The following SLC51A variants were observed in gnomAD, a reference collection of about 807,000 sequenced individuals.
SLC51A encodes the protein organic solute transporter subunit alpha.
In SLC51A, 22 loss-of-function variants were observed where a neutral mutation model predicts 34.8. The observed-to-expected ratio is 0.63, with a 90% confidence interval of 0.45 to 0.90. The LOEUF (loss-of-function observed/expected upper bound fraction) is 0.90, where lower values mean the gene tolerates loss of function less well. SLC51A is among the 40% of genes least tolerant of loss of function. The pLI, the probability that SLC51A is intolerant of heterozygous loss-of-function variation, is 0.00. For missense variants in SLC51A, 371 were observed against 414.8 expected, an observed-to-expected ratio of 0.89 and a Z score of 0.92; for synonymous variants, 181 against 176.3, an observed-to-expected ratio of 1.03 and a Z score of -0.21.
chr3:196,223,305 G>A (rs569125206), intron 2 of SLC51A, among the ~76,000 whole-genome samples: 4 of 151,990 alleles, frequency 2.6e-5, no homozygotes, highest in Admixed American at 1.3e-4. Context: ...TTACTCCTCC[G>A]GGCGTTTGAG....
intron 2 of SLC51A, among the ~76,000 whole-genome samples, chr3:196,218,424 T>C (rs1723653483): frequency 6.6e-6 from 1 of 152,246 alleles, no homozygotes; most frequent in Non-Finnish European, 1.5e-5. Context: ...ACCTTTGTCC[T>C]CACTGGAGCA....
chr3:196,223,799 G>T (rs1422858828), intron 2 of SLC51A: 1 of 385,730 alleles, frequency 2.6e-6, no homozygotes, highest in African/African-American at 2.3e-5. Flanking sequence ...ATCATCTACA[G>T]TCCCACCCAG....
chr3:196,224,742 A>AGAGGGGAGGGAATGGGAGAGGGGAGGG (rs1723855133), intron 2 of SLC51A, among the ~76,000 whole-genome samples: 1 of 21,110 alleles, frequency 4.7e-5, no homozygotes, highest in Non-Finnish European at 9.0e-5. Flanking sequence ...AGGAGAGGGG[A>AGAGGGGAGGGAATGGGAGAGGGGAGGG]GAGGGGAGGG....
intron 2 of SLC51A, chr3:196,224,019 T>C: frequency 3.4e-6 from 1 of 292,520 alleles, no homozygotes; most frequent in Non-Finnish European, 6.7e-6. Flanking sequence ...CCACCATGCC[T>C]GGCTAATTTT....
intron 6 of SLC51A, among the ~76,000 whole-genome samples, 171 bp downstream of exon 6, chr3:196,229,091 C>T (rs904983294): frequency 6.6e-5 from 10 of 152,130 alleles, no homozygotes; most frequent in African/African-American, 1.7e-4. Flanking sequence ...GCCAGGCCCC[C>T]GGGCTTTTTC....
In SLC51A at chr3:196,218,888, G is replaced by T. The variant is rs147244154; in HGVS notation, c.133+952G>T. The stretch of plus-strand genomic sequence containing the variant: ...CATAGGTGAACCTGCAAAAGTCCTC[G>T]CAGTGTTGGCCAACAAGATTCTATT... On this transcript the variant is annotated intron_variant, in intron 2 of 8. Transcript: ENST00000296327. 4.7e-3 allele frequency among the ~76,000 whole-genome samples: 718 copies of T among 151,692 alleles called. 5 individuals are homozygous for T. The highest frequency in any genetic ancestry group is 0.016 in the African/African-American group (666 of 41,376).
In SLC51A at chr3:196,233,316, A is replaced by G; in HGVS notation, c.*117A>G. ...CCCCCTTGTCAACACAAGCTGGCAG[A>G]TACATTTGACTCTACAGATGAAGGT... On this transcript the variant is annotated 3_prime_UTR_variant, in exon 9 of 9. Coordinates refer to ENST00000296327, the MANE Select transcript of SLC51A (RefSeq NM_152672.6). 5.1e-6 allele frequency: 6 copies of G among 1,178,480 alleles called. No homozygotes were observed. The highest frequency in any genetic ancestry group is 2.4e-5 in the East Asian group (1 of 42,144). The allele number at this position is 1,178,480 out of a possible 1,614,324, so 73.0% of individuals were successfully genotyped here. A position where few individuals can be genotyped will look rare whatever the true frequency, so the allele number is the denominator to read the frequency against.
chr3:196,228,353 TTAGGCGTGAA>T lies in SLC51A; in HGVS notation c.521+86_521+95del, dbSNP rs1211729865. 2.0e-6 allele frequency: 3 copies of T among 1,503,494 alleles called. No individual in the cohort carries two copies. Among genetic ancestry groups the T allele is most frequent in the African/African-American group, 1.4e-5 (1 of 71,990 alleles). The allele number at this position is 1,503,494 out of a possible 1,614,324, so 93.1% of individuals were successfully genotyped here. The stretch of plus-strand genomic sequence containing the variant: ...CTGGTCCCCTTCAAGGCTCTGGGAA[TTAGGCGTGAA>T]TAGGCCAAAGCCAGTGACGGAAGGG... On this transcript the variant is annotated intron_variant, in intron 5 of 8. Coordinates refer to ENST00000296327, the MANE Select transcript of SLC51A (RefSeq NM_152672.6). The surrounding 1 kb of genome is among the most constrained non-coding windows in gnomAD (Gnocchi z 4.9).
rs776963562 is a variant in SLC51A, at chr3:196,227,044, T to G, written c.213T>G (p.Asp71Glu). Residue 71 changes from aspartate (D) to glutamate (E), a missense_variant, in exon 3 of 9, where the codon GAT becomes GAG. By Grantham distance (45) the Asp-to-Glu change is conservative. Coordinates refer to ENST00000296327, the MANE Select transcript of SLC51A (RefSeq NM_152672.6). ...GCTCCATTGCCATCTTCCTGGAGGA[T>G]GCCGTCTACCTGTACAAGAACACCC... ...ALGSIAIFLE[D>E]AVYLYKNTLC... 11 of 1,614,144 alleles carry G rather than the reference T, an allele frequency of 6.8e-6. No individual in the cohort carries two copies. The highest frequency in any genetic ancestry group is 8.5e-6 in the Non-Finnish European group (10 of 1,180,030).
chr3:196,232,362 G>A (rs1458755325), intron 7 of SLC51A, 57 bp from the exon 8 acceptor site: 18 of 1,418,830 alleles, frequency 1.3e-5, no homozygotes, highest in East Asian at 6.8e-5. Flanking sequence ...GGCTGGCTGC[G>A]TTCTGTGCCG....
In SLC51A at chr3:196,221,446, T is replaced by G. The variant is rs754603212; in HGVS notation, c.133+3510T>G. Among the ~76,000 whole-genome samples the G allele has an allele frequency of 3.2e-4, 48 of 152,028 alleles. 1 individual carries two copies. The highest frequency in any genetic ancestry group is 6.5e-4 in the Non-Finnish European group (44 of 68,016). On this transcript the variant is annotated intron_variant, in intron 2 of 8. Transcript: ENST00000296327. ...CATGCCTGGGCTAACTTTCAATTTT[T>G]GTAGAGACAGAGTCTGACTTCGTTG...
At position 196,232,543 on chromosome 3, in the gene SLC51A, C is replaced by CT. The variant is rs751637131; in HGVS notation, c.886+20dup. On this transcript the variant is annotated intron_variant, in intron 8 of 8. Coordinates refer to ENST00000296327, the MANE Select transcript of SLC51A (RefSeq NM_152672.6). ...TCTCAAGGTGAGCACGTTAAGCCTC[C>CT]TGTCCCATCGTGGGATGGATGAGAC... 2 of 1,590,704 alleles carry CT rather than the reference C, an allele frequency of 1.3e-6. No individual in the cohort carries two copies. Among genetic ancestry groups the CT allele is most frequent in the Admixed American group, 3.3e-5 (2 of 59,986 alleles).
Position 196,217,837 on chromosome 3 carries a change from G to T in SLC51A, c.39-5G>T. The T allele has an allele frequency of 6.2e-7, 1 of 1,612,772 alleles. No homozygotes were observed. The highest frequency in any genetic ancestry group is 8.5e-7 in the Non-Finnish European group (1 of 1,179,474). On this transcript the variant is annotated splice_region_variant and splice_polypyrimidine_tract_variant and intron_variant, in intron 1 of 8. Coordinates refer to ENST00000296327, the MANE Select transcript of SLC51A (RefSeq NM_152672.6). ...GGTTCTGAGCACAGGCTGGTGTCTC[G>T]CCAGGTACACAGCAGATCTTCTGGA...
chr3:196,219,613 G>A (rs939401823), intron 2 of SLC51A, among the ~76,000 whole-genome samples: 19 of 151,952 alleles, frequency 1.3e-4, no homozygotes, highest in African/African-American at 4.6e-4. Context: ...GTAGGTGGCT[G>A]CTACATCTAG....
intron 7 of SLC51A, 81 bp downstream of exon 7, chr3:196,230,142 C>T (rs1723999246): frequency 7.6e-7 from 1 of 1,315,408 alleles, no homozygotes; most frequent in Non-Finnish European, 1.0e-6. Flanking sequence ...CCAATAAAGG[C>T]TAAAGTGGGC....
At chr3:196,223,737 TAAA>T (rs71161915) in intron 2 of SLC51A, 103 of 250,110 alleles carry the variant, frequency 4.1e-4, no homozygotes, top group South Asian at 5.3e-4. Flanking sequence ...CAGGTTTAGT[TAAA>T]AAAAAAAAAA....
chr3:196,233,357 A>G lies in SLC51A; in HGVS notation c.*158A>G. The G allele has an allele frequency of 1.2e-6, 1 of 818,166 alleles. No individual in the cohort carries two copies. Among genetic ancestry groups the G allele is most frequent in the South Asian group, 1.8e-5 (1 of 55,306 alleles). 50.7% of individuals were successfully genotyped at this position (818,166 alleles called of 1,614,324 possible). The stretch of plus-strand genomic sequence containing the variant: ...AGATGAAGGTGAACAATGTTAGAAT[A>G]AAATTGCTTTGGATCTTGCCTGGAA... On this transcript the variant is annotated 3_prime_UTR_variant, in exon 9 of 9. Transcript: ENST00000296327.
chr3:196,229,780 G>C, intron 6 of SLC51A, 135 bp from the exon 7 acceptor site: 1 of 996,750 alleles, frequency 1.0e-6, no homozygotes, highest in Non-Finnish European at 1.4e-6. Context: ...CTGGAGCCAG[G>C]AGTGTGATGC....
rs370584109 is a variant in SLC51A at position 196,226,795 on chromosome 3, AG to A, written c.134-169del. Among the ~76,000 whole-genome samples the A allele has an allele frequency of 1.9e-3, 241 of 125,672 alleles. 3 individuals carry two copies. Among genetic ancestry groups the A allele is most frequent in the Middle Eastern group, 4.2e-3 (1 of 240 alleles). The allele number at this position is 125,672 out of a possible 152,430, so 82.4% of individuals were successfully genotyped here. ...TCTTAAAAAAAAAAAAAAAAGAAAA[AG>A]AAAAAAAAAAGACTATTTCTTAGGT... On this transcript the variant is annotated intron_variant, in intron 2 of 8. Coordinates refer to ENST00000296327, the MANE Select transcript of SLC51A (RefSeq NM_152672.6).
Sources: gnomAD v4.1 joint callset for allele counts (sites outside exome capture counted in the v4.1 genomes callset) on GRCh38, gnomAD v4.1.1 for gene constraint, Gnocchi (gnomAD v3.1) non-coding constraint, MANE v1.5 for transcripts, NCBI Gene and HGNC (gene_info 2026-07-23, HGNC 2026-07-21) for gene names.